The following OSBPL1A variants were observed in gnomAD, a reference collection of about 807,000 sequenced individuals.
The protein encoded by OSBPL1A is oxysterol-binding protein-related protein 1.
OSBPL1A carries 80 observed loss-of-function variants against 137.1 expected under a neutral mutation model. The observed-to-expected ratio is 0.58, with a 90% confidence interval of 0.49 to 0.70. The LOEUF (loss-of-function observed/expected upper bound fraction) is 0.70. Among genes scored for constraint, OSBPL1A ranks in the 30% least tolerant of loss-of-function variants. The pLI, the probability that OSBPL1A is intolerant of heterozygous loss-of-function variation, is 0.00. For missense variants in OSBPL1A, 970 were observed against 1,129.4 expected, an observed-to-expected ratio of 0.86 and a Z score of 2.02; for synonymous variants, 365 against 389.7, an observed-to-expected ratio of 0.94 and a Z score of 0.75.
chr18:24,312,245 T>C (rs2146113750), intron 12 of OSBPL1A, 139 bp from the exon 13 acceptor site: 1 of 901,478 alleles, frequency 1.1e-6, no homozygotes, highest in Middle Eastern at 3.4e-4. Flanking sequence ...AAGCAACCAG[T>C]AATGAAACAG....
intron 17 of OSBPL1A, among the ~76,000 whole-genome samples, chr18:24,205,202 T>C (rs1287628317): frequency 6.6e-6 from 1 of 152,378 alleles, no homozygotes; most frequent in East Asian, 1.9e-4. Flanking sequence ...CCGTCACTCC[T>C]GGCTTTCAGA....
intron 21 of OSBPL1A, among the ~76,000 whole-genome samples, chr18:24,176,177 CTCTG>C (rs1652007801): frequency 6.6e-6 from 1 of 152,214 alleles, no homozygotes. Flanking sequence ...GAATCAACTT[CTCTG>C]TATCTATTAA....
rs369555619 is a variant in OSBPL1A, at chr18:24,297,536, C to T, written c.1174+6101G>A. On this transcript the variant is annotated intron_variant, in intron 14 of 27. Transcript: ENST00000319481. ...TTTTTAATGCAGGCATTAAACGCTA[C>T]GAACTTTCCTCTTAGCACTGCTTTT... 1.5e-4 allele frequency among the ~76,000 whole-genome samples: 23 copies of T among 152,268 alleles called. No individual in the cohort carries two copies. In the South Asian group the frequency reaches 2.9e-3, roughly 19 times the overall value.
chr18:24,382,984 T>C (rs1389577221), intron 1 of OSBPL1A, among the ~76,000 whole-genome samples: 1 of 152,212 alleles, frequency 6.6e-6, no homozygotes, highest in Non-Finnish European at 1.5e-5. Flanking sequence ...TTAAGCTCTA[T>C]ATATATTTGC....
At chr18:24,353,791 C>T (rs1450567662) in intron 4 of OSBPL1A, among the ~76,000 whole-genome samples, 1 of 151,826 alleles carries the variant, frequency 6.6e-6, no homozygotes, top group Non-Finnish European at 1.5e-5. Context: ...AGCTGGAAAC[C>T]ATCATACTCA....
At chr18:24,351,648 T>C (rs540971476) in intron 4 of OSBPL1A, among the ~76,000 whole-genome samples, 48 of 152,260 alleles carry the variant, frequency 3.2e-4, no homozygotes, top group Non-Finnish European at 3.5e-4. Context: ...CAAGTGATAC[T>C]CCTGCCCCAG....
At position 24,289,544 on chromosome 18, in the gene OSBPL1A, C is replaced by T. The variant is rs151037945; in HGVS notation, c.1175-8596G>A. Among the ~76,000 whole-genome samples the T allele has an allele frequency of 6.1e-3, 919 of 149,730 alleles. 9 individuals are homozygous for T. Among genetic ancestry groups the T allele is most frequent in the African/African-American group, 0.022 (879 of 40,796 alleles). The stretch of plus-strand genomic sequence containing the variant: ...TCAAGCAATTCTCCTGCCTCAGGAT[C>T]GAGTAGCTGGGATTACAGGCACACG... On this transcript the variant is annotated intron_variant, in intron 14 of 27. Coordinates refer to ENST00000319481, the MANE Select transcript of OSBPL1A (RefSeq NM_080597.4).
chr18:24,368,585 C>T (rs1905357892), intron 2 of OSBPL1A: 1 of 493,548 alleles, frequency 2.0e-6, no homozygotes, highest in Middle Eastern at 5.7e-4. Context: ...TCGATGTCTT[C>T]ACCTCTAAAG....
chr18:24,187,670 C>T (rs115035995), intron 18 of OSBPL1A, among the ~76,000 whole-genome samples: 175 of 152,346 alleles, frequency 1.1e-3, no homozygotes, highest in African/African-American at 4.0e-3. Flanking sequence ...ATAATGCAGA[C>T]AAGATCTCCA....
intron 4 of OSBPL1A, among the ~76,000 whole-genome samples, chr18:24,341,998 T>C (rs374373815): frequency 2.0e-5 from 3 of 152,320 alleles, no homozygotes; most frequent in East Asian, 3.9e-4. Context: ...GTACATTCAC[T>C]GAAGATCATT....
chr18:24,291,723 C>A (rs2090175821), intron 14 of OSBPL1A, among the ~76,000 whole-genome samples: 1 of 149,760 alleles, frequency 6.7e-6, no homozygotes. Flanking sequence ...ATACCAAAAA[C>A]AAAGTGAAAA....
intron 14 of OSBPL1A, among the ~76,000 whole-genome samples, chr18:24,301,844 AT>A (rs955879703): frequency 6.6e-6 from 1 of 152,230 alleles, no homozygotes; most frequent in African/African-American, 2.4e-5. Context: ...CTTATGGTCC[AT>A]TTACTCTAAT....
chr18:24,385,102 C>A (rs931774098), intron 1 of OSBPL1A, among the ~76,000 whole-genome samples: 21 of 151,806 alleles, frequency 1.4e-4, no homozygotes, highest in Non-Finnish European at 2.8e-4. Flanking sequence ...CTACAGGCGC[C>A]CGCCACCACA....
intron 5 of OSBPL1A, among the ~76,000 whole-genome samples, chr18:24,340,333 C>T (rs2091253389): frequency 6.6e-6 from 1 of 152,140 alleles, no homozygotes; most frequent in Non-Finnish European, 1.5e-5. Context: ...GAAGCTCAAC[C>T]ATCAAGAAAT....
chr18:24,170,478 T>G (rs766966702), intron 23 of OSBPL1A, 25 bp from the exon 24 acceptor site: 45 of 1,613,496 alleles, frequency 2.8e-5, no homozygotes, highest in Non-Finnish European at 3.4e-6. Context: ...TGATGTTTAG[T>G]TAACAAACCA....
intron 14 of OSBPL1A, among the ~76,000 whole-genome samples, chr18:24,285,684 G>A (rs991268087): frequency 2.0e-5 from 3 of 152,122 alleles, no homozygotes; most frequent in South Asian, 2.1e-4. Context: ...AACACAAACA[G>A]GAGAGAGACT....
At chr18:24,202,172 G>C (rs915821778) in intron 17 of OSBPL1A, among the ~76,000 whole-genome samples, 27 of 152,132 alleles carry the variant, frequency 1.8e-4, no homozygotes, top group Admixed American at 8.5e-4. Context: ...ATGGAAACCA[G>C]AGCTACAGTG....
intron 15 of OSBPL1A, among the ~76,000 whole-genome samples, chr18:24,257,946 T>C (rs1166357073): frequency 6.6e-6 from 1 of 152,150 alleles, no homozygotes; most frequent in South Asian, 2.1e-4. Flanking sequence ...CCAGTTAAAA[T>C]GGCTTATCTC....
chr18:24,199,704 G>C (rs1291206861), intron 17 of OSBPL1A, among the ~76,000 whole-genome samples: 1 of 152,190 alleles, frequency 6.6e-6, no homozygotes, highest in African/African-American at 2.4e-5. Flanking sequence ...TACTGCAGGT[G>C]AATGCTTATA....
Sources: allele counts gnomAD v4.1 joint callset (sites outside exome capture counted in the v4.1 genomes callset), GRCh38; gene constraint gnomAD v4.1.1; transcripts MANE v1.5; gene names NCBI Gene and HGNC (gene_info 2026-07-23, HGNC 2026-07-21).